CD300LG: variants seen among roughly 807,000 people sequenced by gnomAD.
CD300LG encodes the protein CMRF35-like molecule 9.
CD300LG carries 29 observed loss-of-function variants against 31.5 expected under a neutral mutation model. The ratio of observed to expected loss-of-function variants is 0.92; its 90% CI spans 0.68 to 1.25. CD300LG has a LOEUF of 1.25. Among genes scored for constraint, CD300LG ranks in the 50% most tolerant of loss-of-function variants. The pLI is 0.00. For synonymous variants in CD300LG, 175 were observed against 177.2 expected (o/e 0.99, Z 0.10); for missense variants, 396 against 417.6 (o/e 0.95, Z 0.45).
chr17:43,850,964 G>A (rs1420131190), intron 2 of CD300LG, among the ~76,000 whole-genome samples: 2 of 151,660 alleles, frequency 1.3e-5, no homozygotes, highest in African/African-American at 4.8e-5. Context: ...GTGAAACCCC[G>A]TCTCTACTAA....
chr17:43,852,428 G>A (rs2046386415), intron 2 of CD300LG, among the ~76,000 whole-genome samples: 1 of 152,112 alleles, frequency 6.6e-6, no homozygotes, highest in South Asian at 2.1e-4. Flanking sequence ...TGGCCAGGCT[G>A]GTCTCGAACT....
rs550963327 is a variant in CD300LG, at chr17:43,857,152, G to T, written c.881G>T (p.Arg294Leu). The T allele has an allele frequency of 2.5e-6, 4 of 1,613,942 alleles. No individual in the cohort carries two copies. Among genetic ancestry groups the T allele is most frequent in the Admixed American group, 3.3e-5 (2 of 60,004 alleles). ...TQRNEKFCLS[R>L]LTAEEKEAPS... is the part of the protein sequence containing the mutation. ...AGGAACGAGAAGTTCTGCCTCTCAC[G>T]CTTGGTAAGGACAGAGGCATATGGA... The change falls in exon 6 of 7, where the codon CGC (arginine) becomes CTC (leucine). Residue 294 changes from arginine (R) to leucine (L), a missense_variant. Transcript: ENST00000317310.
chr17:43,855,390 C>A, intron 5 of CD300LG, 71 bp downstream of exon 5: 1 of 858,042 alleles, frequency 1.2e-6, no homozygotes, highest in East Asian at 3.0e-5. Flanking sequence ...CCTGCAGCTC[C>A]CCATCCAGCC....
chr17:43,847,363 GCCT>G, intron 1 of CD300LG, 104 bp downstream of exon 1: 1 of 817,622 alleles, frequency 1.2e-6, no homozygotes. Context: ...CCTATCCTCA[GCCT>G]CCTCAGCCCT....
intron 6 of CD300LG, chr17:43,857,556 G>A (rs1041804314): frequency 5.8e-6 from 8 of 1,370,558 alleles, no homozygotes; most frequent in South Asian, 3.7e-5. Flanking sequence ...CTTTCAGAAC[G>A]CCCAGGGGTC....
At chr17:43,853,162 A>G (rs1355889237) in intron 3 of CD300LG, 149 bp downstream of exon 3, 2 of 627,540 alleles carry the variant, frequency 3.2e-6, no homozygotes, top group Non-Finnish European at 5.5e-6. Flanking sequence ...GTGGAAGTGG[A>G]GGCTCAGCAG....
chr17:43,858,541 G>A (rs1207876731), intron 6 of CD300LG: 2 of 985,328 alleles, frequency 2.0e-6, no homozygotes, highest in East Asian at 2.3e-4. Context: ...GGGACAGGAA[G>A]GGGCACAGGG....
chr17:43,857,075 A>G, intron 5 of CD300LG, 29 bp from the exon 6 acceptor site: 1 of 1,613,446 alleles, frequency 6.2e-7, no homozygotes, highest in Non-Finnish European at 8.5e-7. Flanking sequence ...CCTGGCTTCA[A>G]GGGGCTCCTC....
intron 2 of CD300LG, 131 bp downstream of exon 2, chr17:43,849,024 C>A: frequency 1.2e-6 from 1 of 813,724 alleles, no homozygotes; most frequent in South Asian, 1.8e-5. Flanking sequence ...AGGTCAAGCA[C>A]CGAGCAAGGC....
intron 4 of CD300LG, 38 bp downstream of exon 4, chr17:43,854,082 C>T (rs1381473646): frequency 6.7e-7 from 1 of 1,496,674 alleles, no homozygotes; most frequent in Non-Finnish European, 9.3e-7. Flanking sequence ...TTCAAGCCAT[C>T]ACTAAACCAT....
At chr17:43,860,999 A>T in intron 6 of CD300LG, 1 of 565,478 alleles carries the variant, frequency 1.8e-6, no homozygotes, top group Non-Finnish European at 2.2e-6. Context: ...CCAGGAGCTT[A>T]GTATTCTCCC....
chr17:43,853,259 C>T (rs1163712337), intron 3 of CD300LG, among the ~76,000 whole-genome samples: 6 of 152,138 alleles, frequency 3.9e-5, no homozygotes, highest in East Asian at 3.9e-4. Flanking sequence ...ATTCTGTCTG[C>T]GCCATCCAGA....
rs745490579 is a variant in CD300LG, at chr17:43,852,969, T to G, written c.437T>G (p.Leu146Arg). 6.2e-7 allele frequency: 1 copy of G among 1,612,648 alleles called. No homozygotes were observed. Among genetic ancestry groups the G allele is most frequent in the Non-Finnish European group, 8.5e-7 (1 of 1,179,330 alleles). ...TTCCAGCCTCTGGCTACAACACGCC[T>G]GCAGCCCAAGGCAAAAGCTCAGCAA... is the stretch of plus-strand genomic sequence containing the variant. ...PTFQPLATTR[L>R]QPKAKAQQTQ... Residue 146 changes from leucine to arginine, a missense_variant, in exon 3 of 7, where the codon CTG (leucine) becomes CGG (arginine). Physicochemically the swap from Leu to Arg is moderately radical, Grantham distance 102. Transcript: ENST00000317310.
intron 2 of CD300LG, 120 bp from the exon 3 acceptor site, chr17:43,852,792 C>T (rs191292427): frequency 3.2e-5 from 22 of 694,762 alleles, no homozygotes; most frequent in East Asian, 6.1e-5. Flanking sequence ...TTGGCCGAGG[C>T]GAAAGATGGC....
Position 43,847,247 on chromosome 17 carries a change from C to T in CD300LG, c.31C>T (p.Leu11=). 1 of 1,613,948 alleles carries T rather than the reference C, an allele frequency of 6.2e-7. No homozygotes were observed. The highest frequency in any genetic ancestry group is 8.5e-7 in the Non-Finnish European group (1 of 1,179,932). The change falls in exon 1 of 7, where the codon CTG becomes TTG. Residue 11 remains leucine, a synonymous_variant. Coordinates refer to ENST00000317310, the MANE Select transcript of CD300LG (RefSeq NM_145273.4). ...GCTTCTGGTCCTGCTATGGGGTTGC[C>T]TGCTGCTCCCAGGTGAGATGGGGAG... The part of the protein sequence containing the change: MRLLVLLWGC[L]LLPGYEALEG...
At chr17:43,857,957 G>T in intron 6 of CD300LG, 2 of 1,526,916 alleles carry the variant, frequency 1.3e-6, no homozygotes. Flanking sequence ...ACTGCTGCAA[G>T]AAGAGACTGT....
intron 6 of CD300LG, among the ~76,000 whole-genome samples, 199 bp from the exon 7 acceptor site, chr17:43,861,599 G>A (rs1194864906): frequency 6.6e-6 from 1 of 152,204 alleles, no homozygotes; most frequent in Non-Finnish European, 1.5e-5. Flanking sequence ...GGGAGGGATG[G>A]ATTGGGGTCA....
rs199625877 is a variant in CD300LG, at chr17:43,855,335, C to A, written c.832+16C>A. On this transcript the variant is annotated intron_variant, in intron 5 of 6. Transcript: ENST00000317310. ...AGAAAGGAAGGTGAGCAAAGGTGGG[C>A]GGCAGGAAGGCGGGAGGCTCACTGG... The A allele has an allele frequency of 6.7e-7, 1 of 1,494,574 alleles. No homozygotes were observed. Among genetic ancestry groups the A allele is most frequent in the Non-Finnish European group, 9.0e-7 (1 of 1,116,736 alleles). 92.6% of individuals were successfully genotyped at this position (1,494,574 alleles called of 1,614,324 possible).
At chr17:43,852,876 TG>T in intron 2 of CD300LG, 35 bp from the exon 3 acceptor site, 1 of 1,532,104 alleles carries the variant, frequency 6.5e-7, no homozygotes, top group Non-Finnish European at 9.0e-7. Context: ...TTCAGAGCGG[TG>T]CCACCCCTGA....
Sources: gnomAD v4.1 joint callset for allele counts (sites outside exome capture counted in the v4.1 genomes callset) on GRCh38, gnomAD v4.1.1 for gene constraint, MANE v1.5 for transcripts, NCBI Gene and HGNC (gene_info 2026-07-23, HGNC 2026-07-21) for gene names.